The following ADAMTS18 variants were observed in gnomAD, a reference collection of about 807,000 sequenced individuals.
The protein encoded by ADAMTS18 is ADAM metallopeptidase with thrombospondin type 1 motif 18.
Under a neutral mutation model 165.9 loss-of-function variants are expected in ADAMTS18, and 157 were observed. The observed-to-expected ratio is 0.95, with a 90% CI of 0.83 to 1.08. The LOEUF (loss-of-function observed/expected upper bound fraction) is 1.08. Ranked by LOEUF, ADAMTS18 falls within the 50% of genes least tolerant of loss-of-function variation. The pLI is 0.00. For missense variants in ADAMTS18, 2,040 were observed against 1,534.0 expected (o/e 1.33, Z -5.51); for synonymous variants, 782 against 578.2 (o/e 1.35, Z -5.06).
chr16:77,321,859 G>A (rs539700663), intron 14 of ADAMTS18, among the ~76,000 whole-genome samples: 5 of 152,236 alleles, frequency 3.3e-5, no homozygotes, highest in African/African-American at 7.2e-5. Context: ...AATGAGGAAC[G>A]TAGATATGGT....
chr16:77,352,977 G>C (rs946807970), intron 10 of ADAMTS18, among the ~76,000 whole-genome samples: 3 of 152,042 alleles, frequency 2.0e-5, no homozygotes, highest in African/African-American at 7.2e-5. Flanking sequence ...CTACTCAGGA[G>C]GCTGAGGCGG....
At position 77,348,390 on chromosome 16, in the gene ADAMTS18, T is replaced by G. The variant is rs900510138; in HGVS notation, c.1614+5343A>C. On this transcript the variant is annotated intron_variant, in intron 10 of 22. Coordinates refer to ENST00000282849, the MANE Select transcript of ADAMTS18 (RefSeq NM_199355.4). ...CCAACTATCCCTTCACACTTGCAGGTAGAGGAGGCAAACACAAGTCTCCCA... is the reference window on the plus strand; with the variant it reads ...CCAACTATCCCTTCACACTTGCAGGGAGAGGAGGCAAACACAAGTCTCCCA... Among the ~76,000 whole-genome samples, 6 of 152,162 alleles carry G rather than the reference T, an allele frequency of 3.9e-5. No homozygotes were observed. The South Asian group carries it at 1.2e-3, about 32-fold the overall frequency.
chr16:77,318,903 G>T (rs974262329), intron 16 of ADAMTS18, among the ~76,000 whole-genome samples: 1 of 152,110 alleles, frequency 6.6e-6, no homozygotes, highest in East Asian at 1.9e-4. Flanking sequence ...ACAAACTGAA[G>T]CAAATCGCTT....
chr16:77,376,602 C>T (rs2056957035), intron 3 of ADAMTS18, among the ~76,000 whole-genome samples: 1 of 152,168 alleles, frequency 6.6e-6, no homozygotes, highest in Admixed American at 6.5e-5. Context: ...ATTGCTTCTT[C>T]CTGCATTGTG....
At chr16:77,381,121 G>A (rs2057024091) in intron 3 of ADAMTS18, among the ~76,000 whole-genome samples, 1 of 152,104 alleles carries the variant, frequency 6.6e-6, no homozygotes, top group South Asian at 2.1e-4. Flanking sequence ...TAATCCGCCT[G>A]CCTTGGCCTC....
At chr16:77,296,010 G>GTA (rs923073243) in intron 18 of ADAMTS18, among the ~76,000 whole-genome samples, 2 of 146,684 alleles carry the variant, frequency 1.4e-5, no homozygotes, top group African/African-American at 5.2e-5. Context: ...AAAAAAAAGT[G>GTA]TGTGTGTGTA....
At chr16:77,365,062 C>A (rs2056773387) in intron 4 of ADAMTS18, among the ~76,000 whole-genome samples, 1 of 152,100 alleles carries the variant, frequency 6.6e-6, no homozygotes, top group African/African-American at 2.4e-5. Flanking sequence ...GCCAAGATCA[C>A]CCCACTGCAG....
At chr16:77,430,945 T>C (rs1315251001) in intron 3 of ADAMTS18, among the ~76,000 whole-genome samples, 3 of 152,220 alleles carry the variant, frequency 2.0e-5, no homozygotes, top group Admixed American at 6.5e-5. Flanking sequence ...CAAAGCCATG[T>C]AGACGCATGA....
Position 77,322,470 on chromosome 16 carries a change from G to A in ADAMTS18, c.2033-4C>T, listed in dbSNP as rs200070076. 2.4e-5 allele frequency: 39 copies of A among 1,613,706 alleles called. No individual in the cohort carries two copies. In the African/African-American group the frequency reaches 4.1e-4, roughly 17 times the overall value. On this transcript the variant is annotated splice_polypyrimidine_tract_variant and splice_region_variant and intron_variant, in intron 13 of 22. Transcript: ENST00000282849. ...TACAGTTTGCATCGATCTTCCTCTA[G>A]AAACAAAGAGATCAAGATAGGAAAT...
chr16:77,313,679 T>G (rs1017509066), intron 16 of ADAMTS18, among the ~76,000 whole-genome samples: 3 of 152,166 alleles, frequency 2.0e-5, no homozygotes, highest in African/African-American at 7.2e-5. Flanking sequence ...GTCAGATGCA[T>G]GTACCCCTGT....
intron 6 of ADAMTS18, among the ~76,000 whole-genome samples, chr16:77,363,546 T>A (rs1190646251): frequency 6.6e-6 from 1 of 150,802 alleles, no homozygotes; most frequent in Non-Finnish European, 1.5e-5. Context: ...ATTTGTATAT[T>A]ATTTAGTACT....
Position 77,282,726 on chromosome 16 carries a change from G to A in ADAMTS18, c.*1230C>T, listed in dbSNP as rs1238720284. ...ATTACTTTGGTTTTGGCAAAATAGT[G>A]TGATGTTTTTTCAATTGAGAACAAT... On this transcript the variant is annotated 3_prime_UTR_variant, in exon 23 of 23. Coordinates refer to ENST00000282849, the MANE Select transcript of ADAMTS18 (RefSeq NM_199355.4). 1 of 152,536 alleles carries A rather than the reference G, an allele frequency of 6.6e-6. No individual in the cohort carries two copies. Among genetic ancestry groups the A allele is most frequent in the Non-Finnish European group, 1.5e-5 (1 of 68,018 alleles). 9.4% of individuals were successfully genotyped at this position (152,536 alleles called of 1,614,324 possible). A position where few individuals can be genotyped will look rare whatever the true frequency, so the allele number is the denominator to read the frequency against.
chr16:77,359,408 C>T lies in ADAMTS18; in HGVS notation c.1232G>A (p.Ser411Asn). The stretch of plus-strand genomic sequence containing the variant: ...ACTTCGGTACTTAGAGCACATTCCA[C>T]TGATGGGGGCAAACCCTATTGAAAG... ...PCDTLGFAPI[S>N]GMCSKYRSCT... is the part of the protein sequence containing the mutation. Residue 411 changes from serine (S) to asparagine (N), a missense_variant, in exon 8 of 23, where the codon AGT becomes AAT. Coordinates refer to ENST00000282849, the MANE Select transcript of ADAMTS18 (RefSeq NM_199355.4). The T allele has an allele frequency of 3.1e-6, 5 of 1,613,816 alleles. No homozygotes were observed. Among genetic ancestry groups the T allele is most frequent in the Non-Finnish European group, 4.2e-6 (5 of 1,179,940 alleles).
At chr16:77,347,422 C>G (rs140075271) in intron 10 of ADAMTS18, among the ~76,000 whole-genome samples, 2 of 152,278 alleles carry the variant, frequency 1.3e-5, no homozygotes, top group African/African-American at 4.8e-5. Context: ...ACACACTCAT[C>G]AGCAATATGC....
At chr16:77,427,527 A>G (rs920286106) in intron 3 of ADAMTS18, among the ~76,000 whole-genome samples, 3 of 152,216 alleles carry the variant, frequency 2.0e-5, no homozygotes, top group African/African-American at 7.2e-5. Flanking sequence ...GATTAGGTTA[A>G]TCTGTACCTC....
At chr16:77,346,658 T>C (rs1388892703) in intron 10 of ADAMTS18, among the ~76,000 whole-genome samples, 2 of 152,220 alleles carry the variant, frequency 1.3e-5, no homozygotes, top group Non-Finnish European at 2.9e-5. Flanking sequence ...CAACTTCTTT[T>C]AGCAGTTAAG....
chr16:77,336,072 C>T (rs976248791), intron 11 of ADAMTS18, among the ~76,000 whole-genome samples, 168 bp from the exon 12 acceptor site: 1 of 152,206 alleles, frequency 6.6e-6, no homozygotes, highest in Non-Finnish European at 1.5e-5. Flanking sequence ...CTCAACTACT[C>T]TGCATTGACC....
intron 3 of ADAMTS18, among the ~76,000 whole-genome samples, chr16:77,416,367 T>A (rs142231940): frequency 6.6e-6 from 1 of 152,114 alleles, no homozygotes; most frequent in African/African-American, 2.4e-5. Context: ...ACTGATACGG[T>A]TGGGCTATGT....
chr16:77,403,266 C>T (rs1174174183), intron 3 of ADAMTS18, among the ~76,000 whole-genome samples: 1 of 152,122 alleles, frequency 6.6e-6, no homozygotes, highest in Non-Finnish European at 1.5e-5. Flanking sequence ...TATCCTTAGG[C>T]TAATTGTTAA....
Sources: allele counts gnomAD v4.1 joint callset (sites outside exome capture counted in the v4.1 genomes callset), GRCh38; gene constraint gnomAD v4.1.1; transcripts MANE v1.5; gene names NCBI Gene and HGNC (gene_info 2026-07-23, HGNC 2026-07-21).